Variants in ZFPM1 observed in about 807,000 individuals in gnomAD.
The protein encoded by ZFPM1 is zinc finger protein, FOG family member 1.
ZFPM1 carries 28 observed loss-of-function variants against 46.3 expected under a neutral mutation model. The ratio of observed to expected loss-of-function variants is 0.60; its 90% CI spans 0.45 to 0.83. The LOEUF is 0.83. Ranked by LOEUF, ZFPM1 falls within the 40% of genes least tolerant of loss-of-function variation. ZFPM1 has a pLI of 0.00. For missense variants in ZFPM1, 1,878 were observed against 1,432.4 expected (o/e 1.31, Z -5.02); for synonymous variants, 957 against 675.9 (o/e 1.42, Z -6.45).
chr16:88,534,196 C>T lies in ZFPM1; in HGVS notation c.2238C>T (p.Leu746=), dbSNP rs1201084275. The T allele has an allele frequency of 9.1e-6, 9 of 984,668 alleles. No homozygotes were observed. In the African/African-American group the frequency reaches 1.2e-4, roughly 14 times the overall value. 61.0% of individuals were successfully genotyped at this position (984,668 alleles called of 1,614,324 possible). The part of the protein sequence containing the change: ...APVRTRRRRK[L]YELHAAGAPP... ...TGCGCACGCGCAGACGCCGCAAGCT[C>T]TACGAGCTGCACGCGGCCGGCGCCC... is the stretch of plus-strand genomic sequence containing the variant. Residue 746 remains leucine (L), a synonymous_variant, in exon 10 of 10, where the codon CTC becomes CTT. Transcript: ENST00000319555.
At chr16:88,519,270 G>GGGGT (rs1911620261) in intron 4 of ZFPM1, among the ~76,000 whole-genome samples, 1 of 129,892 alleles carries the variant, frequency 7.7e-6, no homozygotes, top group Non-Finnish European at 1.7e-5. Context: ...GATGAGTGGA[G>GGGGT]GGATGGATGG....
intron 4 of ZFPM1, among the ~76,000 whole-genome samples, chr16:88,523,815 C>T (rs868544954): frequency 4.6e-5 from 7 of 152,196 alleles, no homozygotes; most frequent in African/African-American, 7.2e-5. Flanking sequence ...GGGCGGGTGC[C>T]GGATGGGAGC....
intron 6 of ZFPM1, chr16:88,531,108 C>CG (rs1567555627): frequency 6.6e-6 from 1 of 152,256 alleles, no homozygotes; most frequent in Non-Finnish European, 1.5e-5. Flanking sequence ...ACATCAGTCT[C>CG]TAAGTGGAAC....
rs111951525 is a variant in ZFPM1 at position 88,533,213 on chromosome 16, G to A, written c.1255G>A (p.Gly419Ser). 2 of 1,561,638 alleles carry A rather than the reference G, an allele frequency of 1.3e-6. No individual in the cohort carries two copies. Among genetic ancestry groups the A allele is most frequent in the Non-Finnish European group, 1.7e-6 (2 of 1,161,898 alleles). ...AGGCCCCCTGGCCTCCGCGGACCTGGGCCTGGCGCCCACCCCATCGCCAGG... is the reference window on the plus strand; with the variant it reads ...AGGCCCCCTGGCCTCCGCGGACCTGAGCCTGGCGCCCACCCCATCGCCAGG... ...LQGPLASADL[G>S]LAPTPSPGLD... Residue 419 changes from glycine to serine, a missense_variant, in exon 10 of 10, where the codon GGC becomes AGC. Coordinates refer to ENST00000319555, the MANE Select transcript of ZFPM1 (RefSeq NM_153813.3).
chr16:88,516,473 G>A (rs1336849281), intron 4 of ZFPM1: 5 of 398,346 alleles, frequency 1.3e-5, no homozygotes, highest in Non-Finnish European at 2.2e-5. Flanking sequence ...GGGGAGCCCG[G>A]GGAGGAAGGA....
intron 3 of ZFPM1, among the ~76,000 whole-genome samples, chr16:88,503,419 G>T (rs1238990437): frequency 1.6e-4 from 21 of 128,026 alleles, no homozygotes; most frequent in African/African-American, 6.6e-4. Flanking sequence ...TCTGTGTCTG[G>T]GGGGCCCACG....
Position 88,532,607 on chromosome 16 carries a change from G to T in ZFPM1, c.947-7G>T. On this transcript the variant is annotated splice_polypyrimidine_tract_variant and splice_region_variant and intron_variant, in intron 7 of 9. Transcript: ENST00000319555. ...CGGGCACCGCTCTTACGCGCCCTGT[G>T]TTCCAGGAGAGCGGCCCTTCGTGTG... 1 of 1,560,148 alleles carries T rather than the reference G, an allele frequency of 6.4e-7. No homozygotes were observed. Among genetic ancestry groups the T allele is most frequent in the South Asian group, 1.2e-5 (1 of 85,422 alleles).
At position 88,534,512 on chromosome 16, in the gene ZFPM1, C is replaced by CCCG; in HGVS notation, c.2563_2565dup (p.Ala855dup). 6.9e-7 allele frequency: 1 copy of CCCG among 1,445,542 alleles called. No individual in the cohort carries two copies. The highest frequency in any genetic ancestry group is 9.1e-7 in the Non-Finnish European group (1 of 1,102,528). The allele number at this position is 1,445,542 out of a possible 1,614,324, so 89.5% of individuals were successfully genotyped here. On this transcript the variant is annotated inframe_insertion, in exon 10 of 10. Coordinates refer to ENST00000319555, the MANE Select transcript of ZFPM1 (RefSeq NM_153813.3). ...GCCACCGCCCGGCGCGCTCGGCCTGCCCGCCGCCGCCTGCCCCTACTGCCC... is the reference window on the plus strand; with the variant it reads ...GCCACCGCCCGGCGCGCTCGGCCTGCCCGCCGCCGCCGCCTGCCCCTACTGCCC...
At chr16:88,498,357 T>C (rs1008815137) in intron 3 of ZFPM1, among the ~76,000 whole-genome samples, 9 of 152,100 alleles carry the variant, frequency 5.9e-5, no homozygotes, top group Non-Finnish European at 8.8e-5. Context: ...AGGTGCTGGA[T>C]AGACAGGGAT....
chr16:88,498,375 C>T (rs1044287291), intron 3 of ZFPM1, among the ~76,000 whole-genome samples: 1 of 152,148 alleles, frequency 6.6e-6, no homozygotes, highest in Non-Finnish European at 1.5e-5. Context: ...GATGGGCCTG[C>T]CCTGGACGTG....
intron 4 of ZFPM1, among the ~76,000 whole-genome samples, chr16:88,524,303 C>A (rs1912143362): frequency 6.6e-6 from 1 of 152,208 alleles, no homozygotes; most frequent in Non-Finnish European, 1.5e-5. Flanking sequence ...CGGTCACCCA[C>A]CTTTGTGCCA....
At chr16:88,483,840 G>A (rs988678687) in intron 1 of ZFPM1, among the ~76,000 whole-genome samples, 2 of 152,338 alleles carry the variant, frequency 1.3e-5, no homozygotes, top group African/African-American at 4.8e-5. Flanking sequence ...AGAGGGGGCT[G>A]GAGTCCAAAC....
At chr16:88,518,538 A>G (rs1264415868) in intron 4 of ZFPM1, among the ~76,000 whole-genome samples, 3 of 145,250 alleles carry the variant, frequency 2.1e-5, no homozygotes, top group Non-Finnish European at 4.5e-5. Context: ...TAGATGGATG[A>G]GTGGATGGAT....
intron 1 of ZFPM1, among the ~76,000 whole-genome samples, chr16:88,476,081 C>T (rs1415300262): frequency 2.6e-5 from 4 of 152,154 alleles, no homozygotes; most frequent in African/African-American, 9.7e-5. Flanking sequence ...CACACCCACC[C>T]AGGCCTCAGA....
At chr16:88,473,715 G>A (rs981119958) in intron 1 of ZFPM1, among the ~76,000 whole-genome samples, 5 of 152,230 alleles carry the variant, frequency 3.3e-5, no homozygotes, top group African/African-American at 9.6e-5. Context: ...CCAGATTCTC[G>A]GGGCCGTGCT....
At chr16:88,511,362 T>C (rs1226605914) in intron 3 of ZFPM1, among the ~76,000 whole-genome samples, 1 of 151,864 alleles carries the variant, frequency 6.6e-6, no homozygotes, top group Non-Finnish European at 1.5e-5. Context: ...CTCCTCAGCC[T>C]CGCCGGGCCC....
At chr16:88,485,259 T>G (rs1238957269) in intron 1 of ZFPM1, among the ~76,000 whole-genome samples, 2 of 152,026 alleles carry the variant, frequency 1.3e-5, no homozygotes, top group Non-Finnish European at 2.9e-5. Flanking sequence ...TGGGGGCCTG[T>G]CCCCTGGTGC....
At chr16:88,489,520 C>A (rs1006333172) in intron 3 of ZFPM1, among the ~76,000 whole-genome samples, 1 of 152,196 alleles carries the variant, frequency 6.6e-6, no homozygotes, top group Non-Finnish European at 1.5e-5. Flanking sequence ...GGGCCCGTGG[C>A]CTTCCCAGCT....
chr16:88,510,392 C>G (rs1469430072), intron 3 of ZFPM1, among the ~76,000 whole-genome samples: 1 of 152,210 alleles, frequency 6.6e-6, no homozygotes, highest in Non-Finnish European at 1.5e-5. Flanking sequence ...CCTCGGTCCC[C>G]CACTGCTTCC....
Sources: allele counts gnomAD v4.1 joint callset (sites outside exome capture counted in the v4.1 genomes callset), GRCh38; gene constraint gnomAD v4.1.1; transcripts MANE v1.5; gene names NCBI Gene and HGNC (gene_info 2026-07-23, HGNC 2026-07-21).